The following HELZ variants were observed in gnomAD, a reference collection of about 807,000 sequenced individuals.
HELZ encodes the protein ATP-dependent RNA helicase with zinc finger domain.
HELZ carries 23 observed loss-of-function variants against 218.2 expected under a neutral mutation model. That is an observed-to-expected ratio of 0.11 (90% CI 0.08 to 0.15). The LOEUF is 0.15. HELZ is among the 10% of genes least tolerant of loss of function. The pLI is 1.00. For missense variants in HELZ, 1,813 were observed against 2,353.7 expected (o/e 0.77, Z 4.75); for synonymous variants, 814 against 829.4 (o/e 0.98, Z 0.32).
chr17:67,140,894 A>C (rs1418049785), intron 21 of HELZ, among the ~76,000 whole-genome samples: 1 of 152,240 alleles, frequency 6.6e-6, no homozygotes, highest in Non-Finnish European at 1.5e-5. Flanking sequence ...CAACAGAAAC[A>C]ATAGAGGCCA....
intron 5 of HELZ, among the ~76,000 whole-genome samples, chr17:67,207,061 C>T (rs868428942): frequency 7.3e-5 from 11 of 150,198 alleles, no homozygotes; most frequent in African/African-American, 1.7e-4. Context: ...TACAGGCATG[C>T]GCCACCACCC....
chr17:67,242,261 C>T (rs1210413401), intron 2 of HELZ, among the ~76,000 whole-genome samples: 1 of 151,936 alleles, frequency 6.6e-6, no homozygotes, highest in African/African-American at 2.4e-5. Context: ...ACTAAAAATA[C>T]AAAATTAGCC....
chr17:67,085,644 A>C (rs2036346604), intron 32 of HELZ, among the ~76,000 whole-genome samples: 1 of 152,198 alleles, frequency 6.6e-6, no homozygotes, highest in Admixed American at 6.5e-5. Context: ...CAGAAACAAC[A>C]GATTCACATT....
intron 3 of HELZ, among the ~76,000 whole-genome samples, chr17:67,223,294 C>CT (rs1286537025): frequency 6.6e-6 from 1 of 151,738 alleles, no homozygotes; most frequent in Non-Finnish European, 1.5e-5. Context: ...AGTTGGGTCT[C>CT]TAAGGATTTT....
chr17:67,205,509 TC>T (rs1462046856), intron 5 of HELZ, among the ~76,000 whole-genome samples: 1 of 152,136 alleles, frequency 6.6e-6, no homozygotes, highest in Non-Finnish European at 1.5e-5. Context: ...AAGTAAGAAT[TC>T]CCTACATATT....
At chr17:67,087,615 TGTCCAAC>T (rs1418616866) in intron 31 of HELZ, among the ~76,000 whole-genome samples, 1 of 152,246 alleles carries the variant, frequency 6.6e-6, no homozygotes, top group Non-Finnish European at 1.5e-5. Flanking sequence ...TGATTCCTCC[TGTCCAAC>T]GTAAGTACTC....
intron 31 of HELZ, among the ~76,000 whole-genome samples, chr17:67,091,549 A>C (rs1009730632): frequency 2.0e-5 from 3 of 152,164 alleles, no homozygotes; most frequent in Non-Finnish European, 2.9e-5. Context: ...TAAAATCTGA[A>C]AGGTTGCTAG....
intron 13 of HELZ, among the ~76,000 whole-genome samples, chr17:67,174,986 A>G (rs556221870): frequency 1.3e-5 from 2 of 152,326 alleles, no homozygotes; most frequent in South Asian, 4.1e-4. Context: ...TGTCCAAGTC[A>G]TTTAGAGAGA....
At position 67,184,775 on chromosome 17, in the gene HELZ, C is replaced by T. The variant is rs563965104; in HGVS notation, c.1162+3544G>A. On this transcript the variant is annotated intron_variant, in intron 12 of 32. Coordinates refer to ENST00000358691, the MANE Select transcript of HELZ (RefSeq NM_014877.4). ...AGGCTGCAGTGAGCTATAATCACAC[C>T]ACTGCACTCCAGCCTGGGCAACAGA... Among the ~76,000 whole-genome samples, 72 of 151,932 alleles carry T rather than the reference C, an allele frequency of 4.7e-4. 1 individual carries two copies. Among genetic ancestry groups the T allele is most frequent in the Non-Finnish European group, 9.0e-4 (61 of 67,980 alleles).
intron 27 of HELZ, 120 bp downstream of exon 27, chr17:67,120,285 T>A (rs1463688626): frequency 1.2e-5 from 10 of 812,746 alleles, no homozygotes; most frequent in Non-Finnish European, 4.0e-6. Flanking sequence ...AGATTCTCTC[T>A]CAAAGAGGTC....
At chr17:67,121,417 A>G (rs1412210248) in intron 26 of HELZ, among the ~76,000 whole-genome samples, 2 of 152,230 alleles carry the variant, frequency 1.3e-5, no homozygotes, top group Admixed American at 6.5e-5. Flanking sequence ...TCTGGAAGAA[A>G]TAACTGCTAA....
intron 31 of HELZ, among the ~76,000 whole-genome samples, chr17:67,089,798 G>C (rs2036524965): frequency 1.3e-5 from 2 of 150,132 alleles, no homozygotes; most frequent in South Asian, 4.2e-4. Context: ...ATTAGTTACA[G>C]GAATCTCCCA....
chr17:67,105,778 T>C (rs1045797058), intron 31 of HELZ, among the ~76,000 whole-genome samples: 15 of 152,232 alleles, frequency 9.9e-5, no homozygotes, highest in African/African-American at 3.6e-4. Flanking sequence ...TATATGTAGA[T>C]ACCAATTCAT....
chr17:67,145,435 C>A (rs1251746197), intron 21 of HELZ, among the ~76,000 whole-genome samples: 1 of 152,150 alleles, frequency 6.6e-6, no homozygotes, highest in Non-Finnish European at 1.5e-5. Context: ...ATAAAACTTA[C>A]TCAGAGTCTA....
chr17:67,108,520 C>T lies in HELZ; in HGVS notation c.4696G>A (p.Glu1566Lys), dbSNP rs747434999. 5.0e-6 allele frequency: 8 copies of T among 1,614,016 alleles called. No homozygotes were observed. In the South Asian group the frequency reaches 5.5e-5, roughly 11 times the overall value. ...RADWKLTSSA[E>K]DEVETTYSRF... Reference sequence around the variant, plus strand: ...GAGTATGTGGTCTCCACTTCATCTTCGGCACTGCTGGTGAGCTTCCAGTCT... The same window carrying T: ...GAGTATGTGGTCTCCACTTCATCTTTGGCACTGCTGGTGAGCTTCCAGTCT... The change falls in exon 30 of 33, where the codon GAA becomes AAA. Residue 1566 changes from glutamate (E) to lysine (K), a missense_variant. Glu to Lys is a moderately conservative substitution (Grantham distance 56). This residue lies in a region of HELZ where 938 missense variants were observed against 1,027.5 expected (regional missense o/e 0.91). Transcript: ENST00000358691. This position sits in a 1 kb window ranked among gnomAD's most constrained non-coding sequence, Gnocchi z 4.1.
At chr17:67,105,026 A>G (rs2037057145) in intron 31 of HELZ, among the ~76,000 whole-genome samples, 1 of 152,146 alleles carries the variant, frequency 6.6e-6, no homozygotes, top group Non-Finnish European at 1.5e-5. Flanking sequence ...CCAGCTACTC[A>G]GGAGCCTGAG....
intron 3 of HELZ, among the ~76,000 whole-genome samples, chr17:67,237,810 G>A (rs983675952): frequency 6.6e-6 from 1 of 151,320 alleles, no homozygotes; most frequent in Non-Finnish European, 1.5e-5. Flanking sequence ...CCAACATGGT[G>A]AACCCCCATC....
chr17:67,138,759 C>T (rs2038229027), intron 21 of HELZ, among the ~76,000 whole-genome samples: 2 of 152,194 alleles, frequency 1.3e-5, no homozygotes, highest in South Asian at 4.1e-4. Context: ...AGCAATGCCA[C>T]AGTTTATGCA....
At chr17:67,189,806 C>T (rs1413652726) in intron 10 of HELZ, 110 bp from the exon 11 acceptor site, 3 of 717,476 alleles carry the variant, frequency 4.2e-6, no homozygotes, top group East Asian at 2.6e-5. Flanking sequence ...GAACTGTTTA[C>T]AGACCAAAGT....
Sources: gnomAD v4.1 joint callset for allele counts (sites outside exome capture counted in the v4.1 genomes callset) on GRCh38, gnomAD v4.1.1 for gene constraint, gnomAD v4.1.1 regional missense constraint, Gnocchi (gnomAD v3.1) non-coding constraint, MANE v1.5 for transcripts, NCBI Gene and HGNC (gene_info 2026-07-23, HGNC 2026-07-21) for gene names.